Variants in NFIA observed in about 807,000 individuals in gnomAD.
NFIA encodes nuclear factor I A.
NFIA carries 8 observed loss-of-function variants against 62.8 expected under a neutral mutation model. The observed-to-expected ratio is 0.13, with a 90% confidence interval of 0.07 to 0.23. The LOEUF is 0.23. Among genes scored for constraint, NFIA ranks in the 10% least tolerant of loss-of-function variants. NFIA has a pLI of 1.00. For missense variants in NFIA, 410 were observed against 642.1 expected, an observed-to-expected ratio of 0.64 and a Z score of 3.91; for synonymous variants, 235 against 238.1, an observed-to-expected ratio of 0.99 and a Z score of 0.12.
At chr1:61,227,649 C>T (rs1355699972) in intron 2 of NFIA, among the ~76,000 whole-genome samples, 2 of 152,098 alleles carry the variant, frequency 1.3e-5, no homozygotes, top group Non-Finnish European at 2.9e-5. Flanking sequence ...AGTTTTTGTT[C>T]ATGTTTTTCT....
intron 2 of NFIA, among the ~76,000 whole-genome samples, chr1:61,142,508 C>T (rs960127851): frequency 1.3e-5 from 2 of 152,156 alleles, no homozygotes; most frequent in African/African-American, 4.8e-5. Context: ...TATTGAAACT[C>T]CTTTGAAAAT....
chr1:61,167,498 T>G (rs1371566479), intron 2 of NFIA, among the ~76,000 whole-genome samples: 2 of 152,198 alleles, frequency 1.3e-5, no homozygotes, highest in African/African-American at 4.8e-5. Context: ...AGCCACAGGG[T>G]GACTTTTATG....
In NFIA at chr1:61,462,124, C is replaced by T. The variant is rs1340590054; in HGVS notation, c.*6804C>T. The T allele has an allele frequency of 6.9e-6, 1 of 144,814 alleles. No homozygotes were observed. The highest frequency in any genetic ancestry group is 1.5e-5 in the Non-Finnish European group (1 of 67,416). The allele number at this position is 144,814 out of a possible 1,614,324, so 9.0% of individuals were successfully genotyped here. A position where few individuals can be genotyped will look rare whatever the true frequency, so the allele number is the denominator to read the frequency against. ...GCCGCTAGCTCCGCTGGGACAGAGG[C>T]TTGAGAGAACTAACGGCTCGGTGCC... is the stretch of plus-strand genomic sequence containing the variant. On this transcript the variant is annotated 3_prime_UTR_variant, in exon 11 of 11. Transcript: ENST00000403491.
chr1:61,144,490 A>G (rs549819100), intron 2 of NFIA, among the ~76,000 whole-genome samples: 1 of 152,234 alleles, frequency 6.6e-6, no homozygotes, highest in African/African-American at 2.4e-5. Flanking sequence ...CTGGGCCTCT[A>G]TGGGGCAGAG....
At chr1:61,399,005 G>A (rs72913898) in intron 7 of NFIA, among the ~76,000 whole-genome samples, 1,630 of 151,994 alleles carry the variant, frequency 0.011, 32 homozygotes, top group African/African-American at 0.037. Context: ...TTTTTTCTTC[G>A]ATTTTCTTTT....
chr1:61,255,995 C>T (rs1218325532), intron 2 of NFIA, among the ~76,000 whole-genome samples: 1 of 152,178 alleles, frequency 6.6e-6, no homozygotes, highest in Non-Finnish European at 1.5e-5. Context: ...AAATACCTAG[C>T]ATATCGTTTA....
chr1:61,102,000 T>C (rs1352544974), intron 2 of NFIA, among the ~76,000 whole-genome samples: 1 of 152,234 alleles, frequency 6.6e-6, no homozygotes, highest in Non-Finnish European at 1.5e-5. Context: ...TGCTGGTTGT[T>C]CAATCTGAAA....
intron 2 of NFIA, among the ~76,000 whole-genome samples, chr1:61,225,872 G>A (rs1459502883): frequency 1.3e-5 from 2 of 152,072 alleles, no homozygotes; most frequent in Non-Finnish European, 2.9e-5. Context: ...TTACCGAGTA[G>A]ACTATAATAA....
chr1:61,279,753 G>A (rs1299282213), intron 3 of NFIA, among the ~76,000 whole-genome samples: 1 of 152,132 alleles, frequency 6.6e-6, no homozygotes, highest in Non-Finnish European at 1.5e-5. Flanking sequence ...AATATAAATT[G>A]AGAGCATGAG....
At chr1:61,410,569 T>C (rs1666053167) in intron 9 of NFIA, among the ~76,000 whole-genome samples, 1 of 152,112 alleles carries the variant, frequency 6.6e-6, no homozygotes, top group Admixed American at 6.5e-5. Flanking sequence ...CTTTTCTATT[T>C]AGGAGTTTGA....
chr1:61,228,177 A>G (rs1468153445), intron 2 of NFIA, among the ~76,000 whole-genome samples: 1 of 152,184 alleles, frequency 6.6e-6, no homozygotes, highest in East Asian at 1.9e-4. Context: ...CTTTTTTATT[A>G]GAATTGTCAG....
At position 61,456,769 on chromosome 1, in the gene NFIA, G is replaced by A. The variant is rs1258443897; in HGVS notation, c.*1449G>A. 7.4e-6 allele frequency: 1 copy of A among 135,194 alleles called. No homozygotes were observed. The highest frequency in any genetic ancestry group is 1.6e-5 in the Non-Finnish European group (1 of 63,604). The allele number at this position is 135,194 out of a possible 1,614,324, so 8.4% of individuals were successfully genotyped here. ...TTGTTAGGGAAAAAAAAAAAAGTTTGCACCCCCAAACGTCCTGTATCTTAT... is the reference window on the plus strand; with the variant it reads ...TTGTTAGGGAAAAAAAAAAAAGTTTACACCCCCAAACGTCCTGTATCTTAT... On this transcript the variant is annotated 3_prime_UTR_variant, in exon 11 of 11. Coordinates refer to ENST00000403491, the MANE Select transcript of NFIA (RefSeq NM_001134673.4).
chr1:61,250,372 A>G (rs1655946679), intron 2 of NFIA, among the ~76,000 whole-genome samples: 1 of 152,182 alleles, frequency 6.6e-6, no homozygotes, highest in Admixed American at 6.5e-5. Flanking sequence ...ACCTTTCTCC[A>G]TTGCAACTTT....
chr1:61,354,165 T>C (rs1446710143), intron 5 of NFIA, among the ~76,000 whole-genome samples: 1 of 152,198 alleles, frequency 6.6e-6, no homozygotes, highest in Non-Finnish European at 1.5e-5. Context: ...ATGAATGTCA[T>C]TTAAAAGGCC....
At chr1:61,362,233 G>T (rs1369293568) in intron 6 of NFIA, among the ~76,000 whole-genome samples, 1 of 152,030 alleles carries the variant, frequency 6.6e-6, no homozygotes, top group African/African-American at 2.4e-5. Context: ...TTCCCCAGGG[G>T]TACAGTTAAA....
intron 2 of NFIA, among the ~76,000 whole-genome samples, chr1:61,091,366 A>G (rs1485478214): frequency 6.6e-6 from 1 of 151,964 alleles, no homozygotes; most frequent in African/African-American, 2.4e-5. Flanking sequence ...AGCGGAGGTG[A>G]TTTATTCTAA....
At chr1:61,128,680 ATGT>A (rs572433131) in intron 2 of NFIA, among the ~76,000 whole-genome samples, 27 of 152,098 alleles carry the variant, frequency 1.8e-4, no homozygotes, top group Non-Finnish European at 3.4e-4. Flanking sequence ...CCCCGATCAC[ATGT>A]TGTTGTTGAA....
In NFIA at chr1:61,456,403, A is replaced by G. The variant is rs1668302995; in HGVS notation, c.*1083A>G. 6.6e-6 allele frequency: 1 copy of G among 152,288 alleles called. No individual in the cohort carries two copies. The highest frequency in any genetic ancestry group is 1.5e-5 in the Non-Finnish European group (1 of 67,950). The allele number at this position is 152,288 out of a possible 1,614,324, so 9.4% of individuals were successfully genotyped here. A position where few individuals can be genotyped will look rare whatever the true frequency, so the allele number is the denominator to read the frequency against. On this transcript the variant is annotated 3_prime_UTR_variant, in exon 11 of 11. Coordinates refer to ENST00000403491, the MANE Select transcript of NFIA (RefSeq NM_001134673.4). ...AAAAAAAAACAAAAAAACAAATCTA[A>G]TGGTGCTTTTACCACAATATGTTAA...
At chr1:61,440,155 A>G (rs541051464) in intron 10 of NFIA, among the ~76,000 whole-genome samples, 8 of 152,310 alleles carry the variant, frequency 5.3e-5, no homozygotes, top group African/African-American at 1.4e-4. Context: ...GTGCTGCTCA[A>G]TGAAGGTCAA....
Sources: allele counts gnomAD v4.1 joint callset (sites outside exome capture counted in the v4.1 genomes callset), GRCh38; gene constraint gnomAD v4.1.1; transcripts MANE v1.5; gene names NCBI Gene and HGNC (gene_info 2026-07-23, HGNC 2026-07-21).